The following SKIC3 variants were observed in gnomAD, a reference collection of about 807,000 sequenced individuals.
SKIC3 encodes the protein superkiller complex protein 3.
At chr5:95,522,155 T>G in the SKIC3 span, 2 of 1,613,810 alleles carry the variant, frequency 1.2e-6, no homozygotes, top group African/African-American at 1.3e-5. Context: ...TGCTGCAACC[T>G]TAAACACACT....
the SKIC3 span, among the ~76,000 whole-genome samples, chr5:95,507,168 A>G: frequency 1.3e-5 from 2 of 152,208 alleles, no homozygotes; most frequent in African/African-American, 2.4e-5. Flanking sequence ...TGGTACCACA[A>G]AAGCACTTAT....
At chr5:95,491,239 A>G in the SKIC3 span, among the ~76,000 whole-genome samples, 1,374 of 152,308 alleles carry the variant, frequency 9.0e-3, 14 homozygotes, top group East Asian at 0.057. Context: ...CAATTTTTCC[A>G]AACATATCAG....
the SKIC3 span, among the ~76,000 whole-genome samples, chr5:95,535,341 C>G: frequency 1.6e-5 from 2 of 124,834 alleles, no homozygotes; most frequent in African/African-American, 6.4e-5. Context: ...TGAGGAGTCT[C>G]GCTCTTTCGC....
At chr5:95,472,385 T>C in the SKIC3 span, among the ~76,000 whole-genome samples, 6 of 152,216 alleles carry the variant, frequency 3.9e-5, no homozygotes, top group African/African-American at 1.4e-4. Context: ...TCCTCTTCTC[T>C]GTCCTAACAC....
the SKIC3 span, among the ~76,000 whole-genome samples, chr5:95,530,998 CAT>C: frequency 6.6e-6 from 1 of 151,394 alleles, no homozygotes; most frequent in Non-Finnish European, 1.5e-5. Context: ...CATTTAATCA[CAT>C]AGGAGAATTC....
the SKIC3 span, among the ~76,000 whole-genome samples, chr5:95,503,277 G>A: frequency 1.2e-4 from 18 of 151,970 alleles, no homozygotes; most frequent in African/African-American, 3.6e-4. Flanking sequence ...CTGTCTTTAC[G>A]AGCCAATTTG....
chr5:95,492,682 A>AAAAAAAAAAAAAAAAAAAAAAAAT, the SKIC3 span, among the ~76,000 whole-genome samples: 1 of 140,314 alleles, frequency 7.1e-6, no homozygotes, highest in African/African-American at 2.7e-5. Context: ...AAAAAAAAAA[A>AAAAAAAAAAAAAAAAAAAAAAAAT]AAAAAAACAA....
chr5:95,539,715 A>G, the SKIC3 span, among the ~76,000 whole-genome samples: 1 of 152,082 alleles, frequency 6.6e-6, no homozygotes, highest in South Asian at 2.1e-4. Flanking sequence ...ATCGTGGCAC[A>G]TGCCTGTAAT....
the SKIC3 span, among the ~76,000 whole-genome samples, chr5:95,539,843 C>CAAA: frequency 9.3e-6 from 1 of 107,696 alleles, no homozygotes; most frequent in Non-Finnish European, 1.9e-5. Context: ...CACTCTGCCT[C>CAAA]AAAAAAAAAA....
the SKIC3 span, among the ~76,000 whole-genome samples, chr5:95,489,031 T>TATAG: frequency 6.6e-6 from 1 of 152,068 alleles, no homozygotes; most frequent in Non-Finnish European, 1.5e-5. Context: ...TCACAACACA[T>TATAG]ATAGGCTGGA....
the SKIC3 span, chr5:95,529,211 T>C: frequency 5.6e-6 from 5 of 888,412 alleles, no homozygotes; most frequent in Non-Finnish European, 7.4e-6. Flanking sequence ...ATCTCTCATA[T>C]CTCATCAGTC....
chr5:95,499,168 GTC>G, the SKIC3 span, among the ~76,000 whole-genome samples: 1 of 152,198 alleles, frequency 6.6e-6, no homozygotes, highest in Non-Finnish European at 1.5e-5. Context: ...TTGGACCTGT[GTC>G]TCTGCCCAAA....
the SKIC3 span, among the ~76,000 whole-genome samples, chr5:95,488,751 GCAAACATA>G: frequency 6.6e-6 from 1 of 151,722 alleles, no homozygotes; most frequent in African/African-American, 2.4e-5. Flanking sequence ...CACTGGTAAA[GCAAACATA>G]CAAAAGAGGA....
the SKIC3 span, among the ~76,000 whole-genome samples, chr5:95,485,225 A>G: frequency 6.6e-6 from 1 of 152,198 alleles, no homozygotes; most frequent in South Asian, 2.1e-4. Context: ...ATGATAATGA[A>G]CATATTCAGC....
chr5:95,494,837 C>T, the SKIC3 span: 1 of 1,607,774 alleles, frequency 6.2e-7, no homozygotes, highest in African/African-American at 1.3e-5. Flanking sequence ...TGATAGCTCC[C>T]TCTCTTTCAA....
the SKIC3 span, chr5:95,540,559 C>A: frequency 8.7e-7 from 1 of 1,153,132 alleles, no homozygotes; most frequent in South Asian, 1.4e-5. Context: ...CAAATGAACA[C>A]ATGAAAAGAT....
At chr5:95,505,541 C>T in the SKIC3 span, among the ~76,000 whole-genome samples, 2 of 152,192 alleles carry the variant, frequency 1.3e-5, no homozygotes, top group South Asian at 4.1e-4. Flanking sequence ...AGGCCGGGCA[C>T]GGTGGCTCAC....
chr5:95,548,398 G>A, the SKIC3 span, among the ~76,000 whole-genome samples: 4 of 151,918 alleles, frequency 2.6e-5, no homozygotes, highest in Admixed American at 2.6e-4. Context: ...AAAAATGTTA[G>A]GATTCAAAAT....
the SKIC3 span, chr5:95,494,754 C>T: frequency 6.2e-7 from 1 of 1,613,684 alleles, no homozygotes; most frequent in Non-Finnish European, 8.5e-7. Flanking sequence ...GAACTGCTTC[C>T]CATAGCCAAC....
Sources: allele counts gnomAD v4.1 joint callset (sites outside exome capture counted in the v4.1 genomes callset), GRCh38; gene constraint gnomAD v4.1.1; transcripts MANE v1.5; gene names NCBI Gene and HGNC (gene_info 2026-07-23, HGNC 2026-07-21).